Variants in RIMS2 observed in about 807,000 individuals in gnomAD.
RIMS2 encodes the protein regulating synaptic membrane exocytosis 2.
A neutral mutation model predicts 174.4 loss-of-function variants in RIMS2; 59 were observed. The observed-to-expected ratio is 0.34, with a 90% confidence interval of 0.27 to 0.42. The LOEUF (loss-of-function observed/expected upper bound fraction) is 0.42, where lower values mean the gene tolerates loss of function less well. RIMS2 is among the 10% of genes least tolerant of loss of function. The pLI is 1.00. For synonymous variants in RIMS2, 606 were observed against 572.5 expected (o/e 1.06, Z -0.84); for missense variants, 1,620 against 1,666.3 (o/e 0.97, Z 0.48).
chr8:103,552,696 T>C (rs897043920), intron 1 of RIMS2, among the ~76,000 whole-genome samples: 1 of 152,158 alleles, frequency 6.6e-6, no homozygotes, highest in African/African-American at 2.4e-5. Flanking sequence ...AATCTACCCA[T>C]ATGACAAAGG....
At chr8:103,550,799 C>G (rs1376166362) in intron 1 of RIMS2, among the ~76,000 whole-genome samples, 1 of 152,144 alleles carries the variant, frequency 6.6e-6, no homozygotes, top group African/African-American at 2.4e-5. Context: ...CACAGAAATA[C>G]AAACTACCAT....
chr8:103,792,258 T>G (rs1402816339), intron 3 of RIMS2, among the ~76,000 whole-genome samples: 1 of 152,126 alleles, frequency 6.6e-6, no homozygotes, highest in Non-Finnish European at 1.5e-5. Flanking sequence ...GGACTCAGGA[T>G]TAAGAAACTC....
At chr8:103,730,191 G>A (rs2138848548) in intron 2 of RIMS2, among the ~76,000 whole-genome samples, 1 of 152,092 alleles carries the variant, frequency 6.6e-6, no homozygotes, top group East Asian at 1.9e-4. Flanking sequence ...GGTGGTGGGG[G>A]GTTTAAGTCT....
intron 1 of RIMS2, among the ~76,000 whole-genome samples, chr8:103,540,793 A>G (rs1842193360): frequency 6.6e-6 from 1 of 152,176 alleles, no homozygotes; most frequent in South Asian, 2.1e-4. Context: ...TGAACAAAAA[A>G]CTTTTGAGTT....
chr8:104,097,611 CAAA>C (rs61692286), intron 19 of RIMS2, among the ~76,000 whole-genome samples: 1 of 134,580 alleles, frequency 7.4e-6, no homozygotes. Context: ...TAAGCAATAG[CAAA>C]AAAAAAAAAA....
At chr8:103,650,911 A>G (rs2096440211) in intron 1 of RIMS2, among the ~76,000 whole-genome samples, 1 of 152,206 alleles carries the variant, frequency 6.6e-6, no homozygotes, top group South Asian at 2.1e-4. Flanking sequence ...GGCACCATGT[A>G]AGTGGGGCCC....
At chr8:104,200,839 A>G (rs1288747802) in intron 19 of RIMS2, among the ~76,000 whole-genome samples, 4 of 152,204 alleles carry the variant, frequency 2.6e-5, no homozygotes, top group African/African-American at 9.6e-5. Context: ...ACTGGAGCCC[A>G]GGAGGTCGAG....
At chr8:103,894,749 C>T (rs1423474337) in intron 4 of RIMS2, among the ~76,000 whole-genome samples, 2 of 151,396 alleles carry the variant, frequency 1.3e-5, no homozygotes, top group South Asian at 2.1e-4. Flanking sequence ...TTTTAAGTTT[C>T]ATCAATAAAA....
intron 1 of RIMS2, among the ~76,000 whole-genome samples, chr8:103,626,179 TTTCA>T (rs1344688442): frequency 6.6e-6 from 1 of 152,292 alleles, no homozygotes. Context: ...CATGAGAATG[TTTCA>T]TTCAGATATT....
rs141132826 is a variant in RIMS2, at chr8:104,158,072, A to C, written c.3335-86844A>C. ...CGCTATCCCTCCCCCAATAGGCCCCAGTGTATGATGTTCCCCTCCTTGTAT... is the reference window on the plus strand; with the variant it reads ...CGCTATCCCTCCCCCAATAGGCCCCCGTGTATGATGTTCCCCTCCTTGTAT... On this transcript the variant is annotated intron_variant, in intron 19 of 23. Transcript: ENST00000504942. 4.5e-3 allele frequency among the ~76,000 whole-genome samples: 678 copies of C among 152,070 alleles called. 9 individuals carry two copies. Among genetic ancestry groups the C allele is most frequent in the African/African-American group, 0.016 (659 of 41,470 alleles).
intron 1 of RIMS2, among the ~76,000 whole-genome samples, chr8:103,588,784 A>G (rs2094105521): frequency 6.6e-6 from 1 of 151,966 alleles, no homozygotes; most frequent in Admixed American, 6.6e-5. Context: ...ACTGAAATTT[A>G]GGACTTCAAA....
chr8:104,000,417 A>G (rs2095333385), intron 17 of RIMS2, among the ~76,000 whole-genome samples: 1 of 151,678 alleles, frequency 6.6e-6, no homozygotes, highest in Non-Finnish European at 1.5e-5. Flanking sequence ...CTGATACTCC[A>G]TTGTGTGTAT....
intron 4 of RIMS2, among the ~76,000 whole-genome samples, chr8:103,906,923 G>C (rs1420776524): frequency 6.6e-6 from 1 of 152,158 alleles, no homozygotes; most frequent in Non-Finnish European, 1.5e-5. Flanking sequence ...ATATACTCCA[G>C]TGTGTTTTAC....
chr8:103,874,196 T>C (rs2099125060), intron 3 of RIMS2, among the ~76,000 whole-genome samples: 1 of 152,066 alleles, frequency 6.6e-6, no homozygotes, highest in Admixed American at 6.6e-5. Flanking sequence ...CTCTCAATCA[T>C]GAAACAATAA....
rs146183556 is a variant in RIMS2, at chr8:103,523,605, G to T, written c.176+22543G>T. On this transcript the variant is annotated intron_variant, in intron 1 of 23. Coordinates refer to ENST00000504942, the Ensembl canonical transcript of RIMS2. ...GACAATGTAAAGCAGGCAGGTTGAGGGGTATGGTGTTGGGGGACATGATGA... is the reference window on the plus strand; with the variant it reads ...GACAATGTAAAGCAGGCAGGTTGAGTGGTATGGTGTTGGGGGACATGATGA... Among the ~76,000 whole-genome samples the T allele has an allele frequency of 1.9e-4, 29 of 152,210 alleles. No individual in the cohort carries two copies. In the East Asian group the frequency reaches 4.8e-3, roughly 25 times the overall value.
intron 1 of RIMS2, among the ~76,000 whole-genome samples, chr8:103,540,700 A>T (rs915595068): frequency 6.6e-6 from 1 of 152,234 alleles, no homozygotes; most frequent in African/African-American, 2.4e-5. Context: ...CTGAGAAAGA[A>T]TCCAAAGTAA....
At chr8:103,571,646 G>T (rs1000439626) in intron 1 of RIMS2, among the ~76,000 whole-genome samples, 2 of 152,106 alleles carry the variant, frequency 1.3e-5, no homozygotes, top group Non-Finnish European at 2.9e-5. Flanking sequence ...TAGGCAAAAG[G>T]TGTTATATTA....
At chr8:103,768,624 A>G in intron 3 of RIMS2, 1 of 999,184 alleles carries the variant, frequency 1.0e-6, no homozygotes, top group Non-Finnish European at 1.6e-6. Context: ...TTATTGTAAA[A>G]AAAGGAGATA....
At chr8:104,016,063 AGTG>A (rs1443731949) in intron 19 of RIMS2, among the ~76,000 whole-genome samples, 5 of 152,026 alleles carry the variant, frequency 3.3e-5, no homozygotes, top group African/African-American at 1.2e-4. Context: ...TGATATATGG[AGTG>A]TCATACATTT....
Sources: gnomAD v4.1 joint callset for allele counts (sites outside exome capture counted in the v4.1 genomes callset) on GRCh38, gnomAD v4.1.1 for gene constraint, MANE v1.5 for transcripts, NCBI Gene and HGNC (gene_info 2026-07-23, HGNC 2026-07-21) for gene names.